PPP3CA: variants seen among roughly 807,000 people sequenced by gnomAD.
PPP3CA encodes the protein protein phosphatase 3 catalytic subunit alpha, also known as CAM-PRP catalytic subunit.
Under a neutral mutation model 66.5 loss-of-function variants are expected in PPP3CA, and 14 were observed. That is an observed-to-expected ratio of 0.21 (90% CI 0.14 to 0.33). The LOEUF is 0.33. PPP3CA is among the 10% of genes least tolerant of loss of function. The pLI, the probability that PPP3CA is intolerant of heterozygous loss-of-function variation, is 1.00. For missense variants in PPP3CA, 317 were observed against 639.5 expected (o/e 0.50, Z 5.44); for synonymous variants, 232 against 226.2 (o/e 1.03, Z -0.23).
intron 1 of PPP3CA, among the ~76,000 whole-genome samples, chr4:101,277,377 G>A (rs1727535619): frequency 6.6e-6 from 1 of 152,140 alleles, no homozygotes; most frequent in Middle Eastern, 3.4e-3. Context: ...GTTTTTGCGT[G>A]GACCTACATT....
chr4:101,214,470 C>A (rs1725398525), intron 1 of PPP3CA, among the ~76,000 whole-genome samples: 1 of 152,062 alleles, frequency 6.6e-6, no homozygotes, highest in Non-Finnish European at 1.5e-5. Flanking sequence ...TAGCAACTCC[C>A]TGAGTTGTGA....
chr4:101,136,177 T>C (rs1722614380), intron 2 of PPP3CA, among the ~76,000 whole-genome samples: 1 of 152,222 alleles, frequency 6.6e-6, no homozygotes, highest in East Asian at 1.9e-4. Context: ...TTCCCAAATC[T>C]TCTTCCCATT....
At chr4:101,154,495 T>C (rs1398640772) in intron 2 of PPP3CA, among the ~76,000 whole-genome samples, 1 of 152,216 alleles carries the variant, frequency 6.6e-6, no homozygotes, top group Non-Finnish European at 1.5e-5. Context: ...TCTAAAGCTA[T>C]GCTATGGGGC....
chr4:101,040,540 C>A lies in PPP3CA; in HGVS notation c.1183G>T (p.Val395Leu), dbSNP rs1727468705. Residue 395 changes from valine to leucine, a missense_variant, in exon 11 of 14, where the codon GTG becomes TTG. Around this residue, in one of 3 missense-constraint regions of PPP3CA, gnomAD observed 201 missense variants for 501.4 expected, o/e 0.40. Coordinates refer to ENST00000394854, the MANE Select transcript of PPP3CA (RefSeq NM_000944.5). ...ATTGCTCGGATCTTGTTCCTTATCA[C>A]CTCTTTCCGGGCTGCAGCTGTTGCA... ...DGATAAARKEVIRNKIRAIGK... is the reference protein window; with the variant it reads ...DGATAAARKELIRNKIRAIGK... The A allele has an allele frequency of 6.2e-7, 1 of 1,613,416 alleles. No individual in the cohort carries two copies. The highest frequency in any genetic ancestry group is 8.5e-7 in the Non-Finnish European group (1 of 1,179,756).
chr4:101,195,847 A>G, intron 2 of PPP3CA, 69 bp downstream of exon 2: 5 of 1,372,600 alleles, frequency 3.6e-6, no homozygotes, highest in Non-Finnish European at 5.1e-6. Context: ...GGTAACTAGG[A>G]CTTTTGATTT....
intron 1 of PPP3CA, among the ~76,000 whole-genome samples, chr4:101,210,651 T>A (rs1310397683): frequency 1.3e-5 from 2 of 152,168 alleles, no homozygotes; most frequent in Non-Finnish European, 2.9e-5. Flanking sequence ...AAGCTTGCTC[T>A]CCATCCAAAT....
intron 1 of PPP3CA, among the ~76,000 whole-genome samples, chr4:101,298,323 C>T (rs761104037): frequency 6.8e-6 from 1 of 147,918 alleles, no homozygotes; most frequent in Non-Finnish European, 1.5e-5. Flanking sequence ...CTAACAATAC[C>T]TATACCAAGC....
At chr4:101,115,369 TC>T (rs1394363216) in intron 2 of PPP3CA, among the ~76,000 whole-genome samples, 4 of 151,974 alleles carry the variant, frequency 2.6e-5, no homozygotes, top group Non-Finnish European at 5.9e-5. Flanking sequence ...TTGCCTTGGA[TC>T]TTCTATCCAG....
At chr4:101,185,165 GA>G (rs35724089) in intron 2 of PPP3CA, among the ~76,000 whole-genome samples, 7,191 of 145,016 alleles carry the variant, frequency 0.05, 588 homozygotes, top group African/African-American at 0.17. Flanking sequence ...TTCTAACTAG[GA>G]AAAAAAAAAA....
At chr4:101,339,691 C>A (rs982406369) in intron 1 of PPP3CA, among the ~76,000 whole-genome samples, 1 of 152,188 alleles carries the variant, frequency 6.6e-6, no homozygotes, top group African/African-American at 2.4e-5. Context: ...ATATCCATCT[C>A]ATTCAAAAGA....
At chr4:101,116,069 T>A (rs988734568) in intron 2 of PPP3CA, among the ~76,000 whole-genome samples, 1 of 151,996 alleles carries the variant, frequency 6.6e-6, no homozygotes, top group Non-Finnish European at 1.5e-5. Flanking sequence ...TGACTCATTA[T>A]TTATTTTTCT....
intron 1 of PPP3CA, among the ~76,000 whole-genome samples, chr4:101,265,011 A>G (rs1326193075): frequency 6.6e-6 from 1 of 152,252 alleles, no homozygotes; most frequent in Non-Finnish European, 1.5e-5. Flanking sequence ...GACGATTAAA[A>G]GAAAAACAAT....
At chr4:101,334,152 G>A (rs1361590489) in intron 1 of PPP3CA, among the ~76,000 whole-genome samples, 5 of 144,542 alleles carry the variant, frequency 3.5e-5, no homozygotes, top group African/African-American at 1.3e-4. Flanking sequence ...TTTTTTTTTT[G>A]AGGCAGAGTT....
chr4:101,170,921 C>A (rs528493196), intron 2 of PPP3CA, among the ~76,000 whole-genome samples: 1 of 152,216 alleles, frequency 6.6e-6, no homozygotes, highest in South Asian at 2.1e-4. Flanking sequence ...AGCTCGCATT[C>A]TAGTCTAGTC....
chr4:101,170,328 A>C (rs1328974060), intron 2 of PPP3CA, among the ~76,000 whole-genome samples: 1 of 152,164 alleles, frequency 6.6e-6, no homozygotes, highest in Non-Finnish European at 1.5e-5. Flanking sequence ...CCAATGGCAG[A>C]ATATACTGCA....
intron 1 of PPP3CA, among the ~76,000 whole-genome samples, chr4:101,268,838 T>C (rs1024726430): frequency 6.6e-6 from 1 of 152,162 alleles, no homozygotes; most frequent in Non-Finnish European, 1.5e-5. Flanking sequence ...CACAATTTGA[T>C]GTCTATGCTG....
At chr4:101,083,058 A>G (rs572740838) in intron 7 of PPP3CA, 128 bp downstream of exon 7, 12 of 579,158 alleles carry the variant, frequency 2.1e-5, no homozygotes, top group Non-Finnish European at 3.3e-5. Flanking sequence ...CCATCAGAAG[A>G]TAATTTTAAG....
At chr4:101,213,768 C>T (rs1187414341) in intron 1 of PPP3CA, among the ~76,000 whole-genome samples, 1 of 152,074 alleles carries the variant, frequency 6.6e-6, no homozygotes, top group Non-Finnish European at 1.5e-5. Flanking sequence ...GGCAGAGCCA[C>T]GACATAATCC....
At position 101,098,484 on chromosome 4, in the gene PPP3CA, A is replaced by G; in HGVS notation, c.525T>C (p.Tyr175=). The G allele has an allele frequency of 6.2e-7, 1 of 1,610,318 alleles. No homozygotes were observed. The highest frequency in any genetic ancestry group is 8.5e-7 in the Non-Finnish European group (1 of 1,177,946). The part of the protein sequence containing the change: ...ECKIKYSERV[Y]DACMDAFDCL... ...AGTCAAAGGCATCCATACAGGCATC[A>G]TATACGCGTTCTGAATACTTTATTT... is the stretch of plus-strand genomic sequence containing the variant. The change falls in exon 5 of 14, where the codon TAT becomes TAC. Residue 175 remains tyrosine, a synonymous_variant. Coordinates refer to ENST00000394854, the MANE Select transcript of PPP3CA (RefSeq NM_000944.5).
Sources: gnomAD v4.1 joint callset for allele counts (sites outside exome capture counted in the v4.1 genomes callset) on GRCh38, gnomAD v4.1.1 for gene constraint, gnomAD v4.1.1 regional missense constraint, MANE v1.5 for transcripts, NCBI Gene and HGNC (gene_info 2026-07-23, HGNC 2026-07-21) for gene names.